DPP10: variants seen among roughly 807,000 people sequenced by gnomAD.
DPP10 encodes inactive dipeptidyl peptidase 10.
A neutral mutation model predicts 120.9 loss-of-function variants in DPP10; 33 were observed. The ratio of observed to expected loss-of-function variants is 0.27; its 90% CI spans 0.21 to 0.37. The LOEUF (loss-of-function observed/expected upper bound fraction) is 0.37. DPP10 is among the 10% of genes least tolerant of loss of function. The pLI is 1.00. For synonymous variants in DPP10, 337 were observed against 326.1 expected (o/e 1.03, Z -0.36); for missense variants, 816 against 942.8 (o/e 0.87, Z 1.76).
chr2:114,521,430 G>GA (rs1314984220), intron 1 of DPP10, among the ~76,000 whole-genome samples: 1 of 151,900 alleles, frequency 6.6e-6, no homozygotes, highest in Admixed American at 6.6e-5. Context: ...TAGAAGGCTT[G>GA]AAATAATCAC....
At chr2:115,615,528 G>C (rs528165256) in intron 5 of DPP10, among the ~76,000 whole-genome samples, 11 of 152,162 alleles carry the variant, frequency 7.2e-5, no homozygotes, top group Non-Finnish European at 5.9e-5. Context: ...AGTAGCTGCA[G>C]TATTCTATTA....
At chr2:114,777,610 C>T (rs189985342) in intron 1 of DPP10, among the ~76,000 whole-genome samples, 88 of 152,006 alleles carry the variant, frequency 5.8e-4, no homozygotes, top group Admixed American at 5.9e-4. Flanking sequence ...CTGAATGTCT[C>T]GTGTGAAAAT....
chr2:115,038,160 A>G (rs543081824), intron 1 of DPP10, among the ~76,000 whole-genome samples: 6 of 152,226 alleles, frequency 3.9e-5, no homozygotes, highest in Non-Finnish European at 7.3e-5. Flanking sequence ...AACAATGAAT[A>G]TGAATTGATA....
intron 1 of DPP10, among the ~76,000 whole-genome samples, chr2:114,512,148 C>T (rs748973889): frequency 7.2e-5 from 11 of 152,162 alleles, no homozygotes; most frequent in Admixed American, 2.0e-4. Flanking sequence ...TCTTGACTTT[C>T]GTACAGCTTC....
At chr2:114,948,303 TC>T (rs1697517813) in intron 1 of DPP10, among the ~76,000 whole-genome samples, 1 of 152,144 alleles carries the variant, frequency 6.6e-6, no homozygotes, top group South Asian at 2.1e-4. Flanking sequence ...TTAGAAATTC[TC>T]ATTTTTACTT....
At chr2:115,620,441 T>G (rs1264464779) in intron 5 of DPP10, among the ~76,000 whole-genome samples, 4 of 152,194 alleles carry the variant, frequency 2.6e-5, no homozygotes, top group Non-Finnish European at 4.4e-5. Flanking sequence ...TCTTACATGG[T>G]CATCTGGGAG....
intron 1 of DPP10, among the ~76,000 whole-genome samples, chr2:114,788,417 A>ATTT (rs66808432): frequency 1.5e-3 from 220 of 145,808 alleles, no homozygotes; most frequent in African/African-American, 4.6e-3. Context: ...GAACATGTAC[A>ATTT]TTTTTTTTTT....
At chr2:115,265,875 T>C (rs1417041557) in intron 1 of DPP10, among the ~76,000 whole-genome samples, 3 of 151,258 alleles carry the variant, frequency 2.0e-5, no homozygotes, top group Non-Finnish European at 4.4e-5. Flanking sequence ...ACCCGGGAGG[T>C]TGAGACTGCA....
intron 1 of DPP10, among the ~76,000 whole-genome samples, chr2:114,671,520 C>T (rs1033446526): frequency 6.6e-6 from 1 of 152,106 alleles, no homozygotes; most frequent in Non-Finnish European, 1.5e-5. Context: ...AAATAAACCT[C>T]TTTTCTTTAT....
chr2:114,494,122 C>G lies in DPP10; in HGVS notation c.60+51284C>G, dbSNP rs1403609676. On this transcript the variant is annotated intron_variant, in intron 1 of 25. Coordinates refer to ENST00000410059, the MANE Select transcript of DPP10 (RefSeq NM_020868.6). ...AAGGCAAAAAAAAAAAAAAAAAAAACCCAGCAAATTGTCAATAAAAACAGT... is the reference window on the plus strand; with the variant it reads ...AAGGCAAAAAAAAAAAAAAAAAAAAGCCAGCAAATTGTCAATAAAAACAGT... 1.0e-4 allele frequency among the ~76,000 whole-genome samples: 4 copies of G among 39,844 alleles called. 1 individual carries two copies. The South Asian group carries it at 3.4e-3, about 34-fold the overall frequency. 26.1% of individuals were successfully genotyped at this position (39,844 alleles called of 152,430 possible). A position where few individuals can be genotyped will look rare whatever the true frequency, so the allele number is the denominator to read the frequency against.
chr2:114,555,583 C>T (rs1363568454), intron 1 of DPP10, among the ~76,000 whole-genome samples: 2 of 152,174 alleles, frequency 1.3e-5, no homozygotes, highest in African/African-American at 4.8e-5. Context: ...TAAGTACCTT[C>T]TATGCTGCAG....
intron 1 of DPP10, among the ~76,000 whole-genome samples, chr2:115,299,434 TAAG>T (rs1405199693): frequency 2.6e-5 from 4 of 151,972 alleles, no homozygotes; most frequent in Admixed American, 6.6e-5. Flanking sequence ...GGAATGCTGA[TAAG>T]AAATACTGTA....
At chr2:114,664,873 G>T (rs529455520) in intron 1 of DPP10, among the ~76,000 whole-genome samples, 47 of 150,898 alleles carry the variant, frequency 3.1e-4, no homozygotes, top group Non-Finnish European at 6.6e-4. Context: ...CCAAAAGATG[G>T]CATAGAGCAT....
chr2:114,837,261 T>C (rs1487057938), intron 1 of DPP10, among the ~76,000 whole-genome samples: 2 of 152,144 alleles, frequency 1.3e-5, no homozygotes, highest in Non-Finnish European at 2.9e-5. Flanking sequence ...AAGTATTAAT[T>C]TGGGGAACTA....
chr2:114,867,838 G>A (rs568145589), intron 1 of DPP10, among the ~76,000 whole-genome samples: 16 of 152,330 alleles, frequency 1.1e-4, no homozygotes, highest in African/African-American at 3.1e-4. Flanking sequence ...ACCAGAAAAG[G>A]TCACTGGGCT....
intron 1 of DPP10, among the ~76,000 whole-genome samples, chr2:115,215,777 C>T (rs867122905): frequency 8.5e-5 from 13 of 152,088 alleles, no homozygotes; most frequent in African/African-American, 1.2e-4. Context: ...CCCCACAGAA[C>T]TAATATGATC....
At chr2:114,510,688 C>A (rs1329482419) in intron 1 of DPP10, among the ~76,000 whole-genome samples, 3 of 151,070 alleles carry the variant, frequency 2.0e-5, no homozygotes, top group African/African-American at 7.4e-5. Context: ...TGATATAGAG[C>A]AGGTGCTCAA....
intron 1 of DPP10, among the ~76,000 whole-genome samples, chr2:115,046,887 G>C (rs1310122775): frequency 6.6e-6 from 1 of 151,720 alleles, no homozygotes; most frequent in Non-Finnish European, 1.5e-5. Context: ...ATTTAAATCA[G>C]AATTACCATT....
chr2:115,475,103 T>C (rs1207756208), intron 3 of DPP10, among the ~76,000 whole-genome samples: 1 of 152,106 alleles, frequency 6.6e-6, no homozygotes, highest in Non-Finnish European at 1.5e-5. Flanking sequence ...CAGTTGCCAA[T>C]AGCCAAGACA....
Sources: gnomAD v4.1 joint callset for allele counts (sites outside exome capture counted in the v4.1 genomes callset) on GRCh38, gnomAD v4.1.1 for gene constraint, MANE v1.5 for transcripts, NCBI Gene and HGNC (gene_info 2026-07-23, HGNC 2026-07-21) for gene names.